Variants in DIS3L2 observed in about 807,000 individuals in gnomAD.
DIS3L2 encodes DIS3-like exonuclease 2.
In DIS3L2, 34 loss-of-function variants were observed where a neutral mutation model predicts 97.5. The ratio of observed to expected loss-of-function variants is 0.35; its 90% confidence interval spans 0.27 to 0.46. The LOEUF (loss-of-function observed/expected upper bound fraction) is 0.46. Ranked by LOEUF, DIS3L2 falls within the 20% of genes least tolerant of loss-of-function variation. DIS3L2 has a pLI of 1.00. For synonymous variants in DIS3L2, 435 were observed against 445.2 expected, an observed-to-expected ratio of 0.98 and a Z score of 0.29; for missense variants, 1,038 against 1,146.0, an observed-to-expected ratio of 0.91 and a Z score of 1.36.
Position 232,026,153 on chromosome 2 carries a change from G to C in DIS3L2, c.264+1823G>C, listed in dbSNP as rs150465368. ...CCTATTGGGTTGGCTCCTAGCAAGT[G>C]TGGGACCTAGGACAGAAGTAGAAAA... On this transcript the variant is annotated intron_variant, in intron 4 of 20. Coordinates refer to ENST00000325385, the MANE Select transcript of DIS3L2 (RefSeq NM_152383.5). Among the ~76,000 whole-genome samples, 6 of 152,268 alleles carry C rather than the reference G, an allele frequency of 3.9e-5. No homozygotes were observed. In the East Asian group the frequency reaches 1.2e-3, roughly 29 times the overall value.
chr2:232,042,826 G>C (rs980699083), intron 5 of DIS3L2, among the ~76,000 whole-genome samples: 5 of 152,094 alleles, frequency 3.3e-5, no homozygotes, highest in Admixed American at 3.3e-4. Context: ...GAGATGTTTT[G>C]GTGAAAACCA....
intron 14 of DIS3L2, among the ~76,000 whole-genome samples, chr2:232,318,859 C>T (rs1417356544): frequency 6.6e-6 from 1 of 152,206 alleles, no homozygotes; most frequent in Non-Finnish European, 1.5e-5. Context: ...GAGGAGGAAT[C>T]CCTAAAGATC....
At chr2:232,225,239 T>G (rs1285495787) in intron 10 of DIS3L2, among the ~76,000 whole-genome samples, 1 of 152,198 alleles carries the variant, frequency 6.6e-6, no homozygotes, top group Non-Finnish European at 1.5e-5. Flanking sequence ...GTTTTAGTCT[T>G]AAGTATATAC....
rs1224493855 is a variant in DIS3L2 at position 232,296,981 on chromosome 2, C to T, written c.1660-3059C>T. On this transcript the variant is annotated intron_variant, in intron 13 of 20. Transcript: ENST00000325385. ...TAGATTTCCCATAGTTCCTTCATGA[C>T]TAAGGACTAAGTGCTGGTCACCACA... is the stretch of plus-strand genomic sequence containing the variant. Among the ~76,000 whole-genome samples the T allele has an allele frequency of 3.3e-5, 5 of 152,310 alleles. No individual in the cohort carries two copies. The South Asian group carries it at 6.2e-4, about 19-fold the overall frequency.
chr2:232,249,293 A>G lies in DIS3L2; in HGVS notation c.1372A>G (p.Met458Val), dbSNP rs1355288992. 4.3e-6 allele frequency: 7 copies of G among 1,614,020 alleles called. No individual in the cohort carries two copies. Among genetic ancestry groups the G allele is most frequent in the East Asian group, 2.2e-5 (1 of 44,904 alleles). ...LCEELCSLNP[M>V]SDKLTFSVIW... The stretch of plus-strand genomic sequence containing the variant: ...TGAGGAGCTGTGCAGCCTCAACCCC[A>G]TGTCCGACAAGCTGACCTTCTCTGT... The change falls in exon 12 of 21, where the codon ATG becomes GTG. Residue 458 changes from methionine (M) to valine (V), a missense_variant. By Grantham distance (21) the Met-to-Val change is conservative. Transcript: ENST00000325385.
At chr2:232,247,615 G>T (rs1693289037) in intron 11 of DIS3L2, among the ~76,000 whole-genome samples, 1 of 36,120 alleles carries the variant, frequency 2.8e-5, no homozygotes, top group Non-Finnish European at 7.2e-5. Context: ...TATAACTGCC[G>T]CGGGGGGGGG....
At chr2:232,006,926 G>A (rs1694068222) in intron 1 of DIS3L2, among the ~76,000 whole-genome samples, 1 of 152,198 alleles carries the variant, frequency 6.6e-6, no homozygotes. Flanking sequence ...TAGGAATACA[G>A]AAAACTTTAC....
At chr2:232,107,218 AC>A (rs1174322009) in intron 6 of DIS3L2, among the ~76,000 whole-genome samples, 1 of 152,194 alleles carries the variant, frequency 6.6e-6, no homozygotes, top group Admixed American at 6.5e-5. Context: ...GAGCAGACAA[AC>A]CCCAAAGCTA....
intron 9 of DIS3L2, among the ~76,000 whole-genome samples, chr2:232,179,790 T>G (rs1161529913): frequency 1.0e-5 from 1 of 97,170 alleles, no homozygotes; most frequent in Middle Eastern, 6.3e-3. Context: ...TTTTGAAGGG[T>G]TTTTTGTGTC....
At chr2:232,065,479 A>G (rs1198475175) in intron 5 of DIS3L2, among the ~76,000 whole-genome samples, 2 of 152,040 alleles carry the variant, frequency 1.3e-5, no homozygotes, top group Non-Finnish European at 2.9e-5. Flanking sequence ...TCCTTTCCCT[A>G]TTGAATTACC....
At chr2:232,287,460 G>A (rs1029375834) in intron 13 of DIS3L2, among the ~76,000 whole-genome samples, 3 of 135,042 alleles carry the variant, frequency 2.2e-5, no homozygotes, top group Non-Finnish European at 3.0e-5. Flanking sequence ...GTGCAATGGC[G>A]TGATCATAGC....
chr2:232,321,538 G>A (rs938314602), intron 14 of DIS3L2, among the ~76,000 whole-genome samples: 1 of 152,128 alleles, frequency 6.6e-6, no homozygotes, highest in African/African-American at 2.4e-5. Context: ...TCCTGACCCG[G>A]AGGCCCAGTG....
At chr2:231,983,439 G>T (rs1021481259) in intron 1 of DIS3L2, among the ~76,000 whole-genome samples, 2 of 152,154 alleles carry the variant, frequency 1.3e-5, no homozygotes, top group East Asian at 3.8e-4. Flanking sequence ...TTAGGAACTG[G>T]GCCACAACAG....
chr2:231,969,494 C>G (rs187046260), intron 1 of DIS3L2, among the ~76,000 whole-genome samples: 1 of 151,628 alleles, frequency 6.6e-6, no homozygotes, highest in Admixed American at 6.6e-5. Flanking sequence ...TATTTTCAGT[C>G]GAGACGGGGT....
chr2:232,218,257 C>G (rs573408410), intron 10 of DIS3L2, among the ~76,000 whole-genome samples: 1 of 152,340 alleles, frequency 6.6e-6, no homozygotes, highest in East Asian at 1.9e-4. Context: ...CATGCTCACA[C>G]ACACATATAT....
At chr2:232,170,199 A>G (rs993099132) in intron 9 of DIS3L2, among the ~76,000 whole-genome samples, 3 of 152,198 alleles carry the variant, frequency 2.0e-5, no homozygotes, top group Non-Finnish European at 4.4e-5. Context: ...AAGCTCAAGA[A>G]ACCCAGAAGT....
At chr2:232,003,890 C>T (rs983950099) in intron 1 of DIS3L2, among the ~76,000 whole-genome samples, 2 of 152,012 alleles carry the variant, frequency 1.3e-5, no homozygotes, top group African/African-American at 2.4e-5. Flanking sequence ...CTGTATTGTT[C>T]GTTTTCAGCA....
intron 8 of DIS3L2, among the ~76,000 whole-genome samples, chr2:232,157,384 C>T (rs995149559): frequency 6.6e-6 from 1 of 152,158 alleles, no homozygotes; most frequent in African/African-American, 2.4e-5. Context: ...GGATGGCACT[C>T]CCCCCTCACA....
At chr2:231,962,453 T>C (rs1032938561) in intron 1 of DIS3L2, among the ~76,000 whole-genome samples, 1 of 150,770 alleles carries the variant, frequency 6.6e-6, no homozygotes, top group African/African-American at 2.4e-5. Flanking sequence ...TTTTTTTTTT[T>C]GAGACGGAGT....
Sources: gnomAD v4.1 joint callset for allele counts (sites outside exome capture counted in the v4.1 genomes callset) on GRCh38, gnomAD v4.1.1 for gene constraint, MANE v1.5 for transcripts, NCBI Gene and HGNC (gene_info 2026-07-23, HGNC 2026-07-21) for gene names.